CNTNAP2: variants seen among roughly 807,000 people sequenced by gnomAD.
CNTNAP2 encodes the protein contactin-associated protein-like 2.
A neutral mutation model predicts 155.2 loss-of-function variants in CNTNAP2; 98 were observed. The ratio of observed to expected loss-of-function variants is 0.63; its 90% CI spans 0.54 to 0.75. The LOEUF (loss-of-function observed/expected upper bound fraction) is 0.75. CNTNAP2 is among the 30% of genes least tolerant of loss of function. CNTNAP2 has a pLI of 0.00. For missense variants in CNTNAP2, 1,727 were observed against 1,688.1 expected, an observed-to-expected ratio of 1.02 and a Z score of -0.40; for synonymous variants, 651 against 631.2, an observed-to-expected ratio of 1.03 and a Z score of -0.47.
At chr7:147,752,524 G>T (rs12155395) in intron 13 of CNTNAP2, among the ~76,000 whole-genome samples, 1 of 152,072 alleles carries the variant, frequency 6.6e-6, no homozygotes, top group Non-Finnish European at 1.5e-5. Context: ...TGTGTGTACA[G>T]GAAGGGGCCT....
intron 11 of CNTNAP2, among the ~76,000 whole-genome samples, chr7:147,499,219 AT>A (rs1344534304): frequency 6.6e-6 from 1 of 152,076 alleles, no homozygotes; most frequent in Non-Finnish European, 1.5e-5. Flanking sequence ...TGGAGGGGTA[AT>A]TTAGTAGATA....
At chr7:148,174,213 G>A (rs1167035765) in intron 18 of CNTNAP2, among the ~76,000 whole-genome samples, 1 of 152,206 alleles carries the variant, frequency 6.6e-6, no homozygotes, top group African/African-American at 2.4e-5. Context: ...AATCATTTAT[G>A]AGCATCCTTC....
chr7:147,806,779 G>C (rs912989122), intron 13 of CNTNAP2, among the ~76,000 whole-genome samples: 5 of 152,160 alleles, frequency 3.3e-5, no homozygotes, highest in Non-Finnish European at 7.3e-5. Context: ...TCTCACTCAT[G>C]AGTGGGAGCT....
intron 1 of CNTNAP2, among the ~76,000 whole-genome samples, chr7:146,226,857 A>G (rs755029631): frequency 1.2e-4 from 18 of 152,186 alleles, no homozygotes; most frequent in Non-Finnish European, 1.5e-4. Context: ...TGGTGAAATC[A>G]TGAATTTTTT....
chr7:148,007,016 G>T (rs1014054760), intron 15 of CNTNAP2, among the ~76,000 whole-genome samples: 3 of 152,154 alleles, frequency 2.0e-5, no homozygotes, highest in Non-Finnish European at 4.4e-5. Flanking sequence ...AAATACAAGG[G>T]TCATTTCAGA....
At chr7:146,218,926 G>A (rs1799160901) in intron 1 of CNTNAP2, among the ~76,000 whole-genome samples, 1 of 152,094 alleles carries the variant, frequency 6.6e-6, no homozygotes, top group South Asian at 2.1e-4. Flanking sequence ...AGATGTAAGT[G>A]TATTAGTCCA....
rs183076497 is a variant in CNTNAP2 at position 147,281,115 on chromosome 7, A to C, written c.1349-19026A>C. Among the ~76,000 whole-genome samples the C allele has an allele frequency of 4.4e-4, 67 of 152,086 alleles. No homozygotes were observed. The East Asian group carries it at 0.011, about 25-fold the overall frequency. ...CTGTTACACAGAATGGTCACTTATT[A>C]AATTTTTGATGTTCACATATAACTT... On this transcript the variant is annotated intron_variant, in intron 8 of 23. Transcript: ENST00000361727.
chr7:146,614,592 A>G (rs347210), intron 1 of CNTNAP2, among the ~76,000 whole-genome samples: 4,538 of 152,306 alleles, frequency 0.03, 240 homozygotes, highest in African/African-American at 0.1. Flanking sequence ...ATCACCATCC[A>G]GCTGAATGCA....
chr7:147,215,158 A>AGTGT (rs1470912324), intron 8 of CNTNAP2, among the ~76,000 whole-genome samples: 1 of 152,138 alleles, frequency 6.6e-6, no homozygotes, highest in Non-Finnish European at 1.5e-5. Context: ...ATATCAATGA[A>AGTGT]GTGTGGTAAA....
Position 147,592,076 on chromosome 7 carries a change from A to G in CNTNAP2, c.1897+29819A>G, listed in dbSNP as rs187129796. 1.6e-4 allele frequency among the ~76,000 whole-genome samples: 24 copies of G among 152,268 alleles called. No individual in the cohort carries two copies. In the East Asian group the frequency reaches 4.3e-3, roughly 27 times the overall value. On this transcript the variant is annotated intron_variant, in intron 12 of 23. Transcript: ENST00000361727. ...ATATCTTTCATATCACTGACATTGT[A>G]TAGGATAATTATTTCTGCCTTGGAC...
intron 9 of CNTNAP2, among the ~76,000 whole-genome samples, chr7:147,347,443 T>TATATATATATGC (rs1563169300): frequency 4.8e-5 from 4 of 84,092 alleles, no homozygotes; most frequent in African/African-American, 1.6e-4. Context: ...TATATATGCA[T>TATATATATATGC]ATATATATAT....
In CNTNAP2 at chr7:147,364,792, T is replaced by G. The variant is rs190473179; in HGVS notation, c.1499-30817T>G. 4.4e-4 allele frequency among the ~76,000 whole-genome samples: 66 copies of G among 149,724 alleles called. 1 individual carries two copies. In the Middle Eastern group the frequency reaches 0.014, roughly 31 times the overall value. ...TGAACTCGGGAGGCGGAGCTTGCGG[T>G]GAGCCGAGATCGCGCCACTGCACTC... On this transcript the variant is annotated intron_variant, in intron 9 of 23. Transcript: ENST00000361727.
chr7:146,238,270 C>G (rs896858688), intron 1 of CNTNAP2, among the ~76,000 whole-genome samples: 1 of 152,160 alleles, frequency 6.6e-6, no homozygotes, highest in South Asian at 2.1e-4. Flanking sequence ...ATGGTTGTTG[C>G]TCAAAAGCAT....
chr7:146,939,034 T>C (rs898488347), intron 3 of CNTNAP2, among the ~76,000 whole-genome samples: 3 of 152,068 alleles, frequency 2.0e-5, no homozygotes, highest in Non-Finnish European at 4.4e-5. Context: ...TACAAGAAAA[T>C]ATAATTTCAT....
At chr7:148,148,975 T>C (rs1805247171) in intron 17 of CNTNAP2, among the ~76,000 whole-genome samples, 1 of 152,222 alleles carries the variant, frequency 6.6e-6, no homozygotes, top group South Asian at 2.1e-4. Flanking sequence ...TTTAATTAGC[T>C]AAATATCAGG....
chr7:146,729,124 G>T (rs917343398), intron 1 of CNTNAP2, among the ~76,000 whole-genome samples: 4 of 152,154 alleles, frequency 2.6e-5, no homozygotes, highest in African/African-American at 9.7e-5. Flanking sequence ...TCTCAGGAAG[G>T]TGGGCTTCTG....
chr7:147,568,126 G>T (rs1181284330), intron 12 of CNTNAP2, among the ~76,000 whole-genome samples: 1 of 151,870 alleles, frequency 6.6e-6, no homozygotes, highest in East Asian at 1.9e-4. Flanking sequence ...CTTTGTCTCG[G>T]GTTTCTTGTA....
intron 13 of CNTNAP2, among the ~76,000 whole-genome samples, chr7:147,706,731 T>C (rs1796322122): frequency 6.6e-6 from 1 of 152,208 alleles, no homozygotes; most frequent in Non-Finnish European, 1.5e-5. Flanking sequence ...TCTATCCCTT[T>C]TGTTTTCTCT....
chr7:148,066,291 A>G (rs1010094125), intron 15 of CNTNAP2, among the ~76,000 whole-genome samples: 3 of 152,144 alleles, frequency 2.0e-5, no homozygotes, highest in Admixed American at 6.6e-5. Flanking sequence ...TGAATTTCCC[A>G]GGTGTTCTTT....
Sources: allele counts gnomAD v4.1 joint callset (sites outside exome capture counted in the v4.1 genomes callset), GRCh38; gene constraint gnomAD v4.1.1; transcripts MANE v1.5; gene names NCBI Gene and HGNC (gene_info 2026-07-23, HGNC 2026-07-21).